The following GRAMD1B variants were observed in gnomAD, a reference collection of about 807,000 sequenced individuals.
The protein encoded by GRAMD1B is GRAM domain containing 1B, also known as protein Aster-B.
In GRAMD1B, 37 loss-of-function variants were observed where a neutral mutation model predicts 99.7. The ratio of observed to expected loss-of-function variants is 0.37; its 90% CI spans 0.29 to 0.49. The LOEUF is 0.49. Ranked by LOEUF, GRAMD1B falls within the 20% of genes least tolerant of loss-of-function variation. The pLI, the probability that GRAMD1B is intolerant of heterozygous loss-of-function variation, is 0.98. For synonymous variants in GRAMD1B, 427 were observed against 387.6 expected, an observed-to-expected ratio of 1.10 and a Z score of -1.19; for missense variants, 888 against 1,009.2, an observed-to-expected ratio of 0.88 and a Z score of 1.63.
chr11:123,552,133 A>G (rs1380132972), intron 2 of GRAMD1B, among the ~76,000 whole-genome samples: 4 of 152,146 alleles, frequency 2.6e-5, no homozygotes, highest in African/African-American at 9.7e-5. Flanking sequence ...TTTTAGAGTC[A>G]GCCATCCTGT....
At chr11:123,530,470 C>T (rs569028121) in intron 2 of GRAMD1B, among the ~76,000 whole-genome samples, 129 of 152,250 alleles carry the variant, frequency 8.5e-4, no homozygotes, top group African/African-American at 2.9e-3. Flanking sequence ...TTCCCCGTCC[C>T]CCCGGATTCA....
At chr11:123,420,829 T>C (rs1038952811) in intron 1 of GRAMD1B, among the ~76,000 whole-genome samples, 19 of 152,180 alleles carry the variant, frequency 1.2e-4, no homozygotes, top group African/African-American at 4.3e-4. Flanking sequence ...TGAGCCTGAG[T>C]TTCCTCATCA....
At chr11:123,605,121 AG>A (rs777621391) in intron 9 of GRAMD1B, among the ~76,000 whole-genome samples, 200 bp from the exon 10 acceptor site, 78 of 60,320 alleles carry the variant, frequency 1.3e-3, no homozygotes, top group African/African-American at 4.5e-3. Flanking sequence ...GGGGGCAGGG[AG>A]GGGTGGGGTG....
chr11:123,464,156 T>C (rs61904758), intron 1 of GRAMD1B, among the ~76,000 whole-genome samples: 1 of 151,450 alleles, frequency 6.6e-6, no homozygotes, highest in East Asian at 1.9e-4. Context: ...AAAAAAAATT[T>C]AGCTGGGTGT....
rs906309378 is a variant in GRAMD1B, at chr11:123,627,542, G to A, written c.*4947G>A. 3 of 152,352 alleles carry A rather than the reference G, an allele frequency of 2.0e-5. No individual in the cohort carries two copies. The highest frequency in any genetic ancestry group is 4.8e-5 in the African/African-American group (2 of 41,464). 9.4% of individuals were successfully genotyped at this position (152,352 alleles called of 1,614,324 possible). ...GGCAGAGGGAGCAGCCCCAACACCT[G>A]CACTGGGCCATCTATGGGAAAGAAC... On this transcript the variant is annotated 3_prime_UTR_variant, in exon 20 of 20. Transcript: ENST00000635736.
chr11:123,569,872 G>A (rs1230761894), intron 2 of GRAMD1B, among the ~76,000 whole-genome samples: 1 of 152,232 alleles, frequency 6.6e-6, no homozygotes, highest in Non-Finnish European at 1.5e-5. Context: ...TTGTGATATG[G>A]CTGTGGGCCT....
chr11:123,378,261 T>A (rs954115780), intron 1 of GRAMD1B, among the ~76,000 whole-genome samples: 1 of 152,122 alleles, frequency 6.6e-6, no homozygotes, highest in Non-Finnish European at 1.5e-5. Flanking sequence ...AAGCCTGCAT[T>A]TTTTTTACTG....
intron 19 of GRAMD1B, among the ~76,000 whole-genome samples, chr11:123,620,950 G>T (rs534570322): frequency 6.6e-6 from 1 of 152,108 alleles, no homozygotes; most frequent in Non-Finnish European, 1.5e-5. Flanking sequence ...TGGGGCAGTT[G>T]GACTAGATGA....
rs966281155 is a variant in GRAMD1B, at chr11:123,381,521, C to T, written c.-176+22722C>T. 4 of 153,668 alleles carry T rather than the reference C, an allele frequency of 2.6e-5. No homozygotes were observed. The South Asian group carries it at 8.2e-4, about 31-fold the overall frequency. 9.5% of individuals were successfully genotyped at this position (153,668 alleles called of 1,614,324 possible). A position where few individuals can be genotyped will look rare whatever the true frequency, so the allele number is the denominator to read the frequency against. On this transcript the variant is annotated intron_variant, in intron 1 of 20. Coordinates refer to the GRAMD1B transcript ENST00000638157. ...GGCCTTCCCATCTCTGGTTGAGATTCTTGTATGCCCGGTCTTTATATGAAT... is the reference window on the plus strand; with the variant it reads ...GGCCTTCCCATCTCTGGTTGAGATTTTTGTATGCCCGGTCTTTATATGAAT...
intron 2 of GRAMD1B, among the ~76,000 whole-genome samples, chr11:123,497,900 C>CAAAA (rs34168499): frequency 2.7e-5 from 3 of 110,334 alleles, no homozygotes; most frequent in African/African-American, 1.0e-4. Flanking sequence ...GAATCTGTCT[C>CAAAA]AAAAAAAAAA....
chr11:123,606,679 A>T lies in GRAMD1B; in HGVS notation c.1394A>T (p.Asp465Val). 6.2e-7 allele frequency: 1 copy of T among 1,613,504 alleles called. No homozygotes were observed. The highest frequency in any genetic ancestry group is 8.5e-7 in the Non-Finnish European group (1 of 1,179,720). The change falls in exon 11 of 20, where the codon GAC (aspartate) becomes GTC (valine). Residue 465 changes from aspartate to valine, a missense_variant. Around this residue, in one of 5 missense-constraint regions of GRAMD1B, gnomAD observed 269 missense variants for 296.6 expected, o/e 0.91. Transcript: ENST00000635736. ...TCCCTGGAAAAGGAGCTCGCCATTG[A>T]CAACATCATGGGGGAGAAGATTGAG... Reference protein sequence around the residue: ...DGSLEKELAIDNIMGEKIEMI... With the variant: ...DGSLEKELAIVNIMGEKIEMI...
intron 12 of GRAMD1B, 104 bp from the exon 13 acceptor site, chr11:123,609,690 AG>A: frequency 1.5e-6 from 1 of 654,244 alleles, no homozygotes; most frequent in Non-Finnish European, 2.6e-6. Flanking sequence ...TTTGGGGGCC[AG>A]GCAGTAGTAA....
At chr11:123,457,228 T>C (rs912786843) in intron 1 of GRAMD1B, among the ~76,000 whole-genome samples, 2 of 152,054 alleles carry the variant, frequency 1.3e-5, no homozygotes, top group Admixed American at 1.3e-4. Context: ...TATAAAATGA[T>C]AACCTGGAAA....
At chr11:123,577,254 C>A in intron 2 of GRAMD1B, 113 bp from the exon 3 acceptor site, 1 of 879,186 alleles carries the variant, frequency 1.1e-6, no homozygotes, top group Non-Finnish European at 1.8e-6. Context: ...AGCCCCTCAC[C>A]TGGCTCCCTG....
intron 1 of GRAMD1B, among the ~76,000 whole-genome samples, chr11:123,463,522 G>A (rs1402816728): frequency 6.6e-6 from 1 of 152,228 alleles, no homozygotes; most frequent in African/African-American, 2.4e-5. Flanking sequence ...TTGCACTAAA[G>A]GAGGTGTTCT....
At chr11:123,377,684 C>T (rs527917780) in intron 1 of GRAMD1B, among the ~76,000 whole-genome samples, 1 of 152,326 alleles carries the variant, frequency 6.6e-6, no homozygotes, top group South Asian at 2.1e-4. Flanking sequence ...GCTCCCTGAC[C>T]TCTTCCTGCA....
chr11:123,496,007 A>G (rs1939210871), intron 2 of GRAMD1B, among the ~76,000 whole-genome samples: 3 of 152,154 alleles, frequency 2.0e-5, no homozygotes, highest in African/African-American at 7.2e-5. Context: ...ACACAATTAC[A>G]GTGATATAAT....
intron 1 of GRAMD1B, among the ~76,000 whole-genome samples, chr11:123,453,036 T>C (rs1369658720): frequency 6.6e-6 from 1 of 152,232 alleles, no homozygotes; most frequent in Non-Finnish European, 1.5e-5. Flanking sequence ...TCTAGAGTTC[T>C]AGAGCATTTT....
intron 1 of GRAMD1B, among the ~76,000 whole-genome samples, chr11:123,396,495 C>T (rs188647735): frequency 1.3e-5 from 2 of 152,220 alleles, no homozygotes; most frequent in African/African-American, 2.4e-5. Flanking sequence ...AGGCTGATCT[C>T]GAACTCCTGA....
Sources: allele counts gnomAD v4.1 joint callset (sites outside exome capture counted in the v4.1 genomes callset), GRCh38; gene constraint gnomAD v4.1.1; regional missense constraint gnomAD v4.1.1; transcripts MANE v1.5; gene names NCBI Gene and HGNC (gene_info 2026-07-23, HGNC 2026-07-21).